BRAF: variants seen among roughly 807,000 people sequenced by gnomAD.
BRAF encodes the protein B-Raf proto-oncogene, serine/threonine kinase, also known as serine/threonine-protein kinase B-raf.
Under a neutral mutation model 104.6 loss-of-function variants are expected in BRAF, and 16 were observed. That is an observed-to-expected ratio of 0.15 (90% CI 0.10 to 0.23). The LOEUF (loss-of-function observed/expected upper bound fraction) is 0.23. BRAF is among the 10% of genes least tolerant of loss of function. The pLI, the probability that BRAF is intolerant of heterozygous loss-of-function variation, is 1.00. For synonymous variants in BRAF, 310 were observed against 341.6 expected (o/e 0.91, Z 1.02); for missense variants, 541 against 937.3 (o/e 0.58, Z 5.52).
At chr7:140,873,670 C>T (rs1035696962) in intron 1 of BRAF, among the ~76,000 whole-genome samples, 4 of 152,098 alleles carry the variant, frequency 2.6e-5, no homozygotes, top group Non-Finnish European at 5.9e-5. Flanking sequence ...ACTAGTTGAA[C>T]GGACACTGCA....
In BRAF at chr7:140,739,805, T is replaced by C. The variant is rs371857758; in HGVS notation, c.2247+7A>G. 7.4e-6 allele frequency: 12 copies of C among 1,611,928 alleles called. No individual in the cohort carries two copies. The highest frequency in any genetic ancestry group is 2.2e-4 in the Middle Eastern group (1 of 4,540). Reference sequence around the variant, plus strand: ...GTTCTTTTGGATAGCATGAAGCTTTTACTTACTTGGGGAAAGAGTGGTCTC... The same window carrying C: ...GTTCTTTTGGATAGCATGAAGCTTTCACTTACTTGGGGAAAGAGTGGTCTC... On this transcript the variant is annotated splice_region_variant and intron_variant, in intron 18 of 19. Coordinates refer to ENST00000644969, the MANE Select transcript of BRAF (RefSeq NM_001374258.1).
chr7:140,865,299 TGA>T (rs747677210), intron 1 of BRAF, among the ~76,000 whole-genome samples: 1 of 152,046 alleles, frequency 6.6e-6, no homozygotes, highest in Non-Finnish European at 1.5e-5. Context: ...AGCCTGGTCT[TGA>T]ACTCCTGGCC....
chr7:140,909,527 C>G (rs1198676715), intron 1 of BRAF, among the ~76,000 whole-genome samples: 1 of 152,094 alleles, frequency 6.6e-6, no homozygotes, highest in Non-Finnish European at 1.5e-5. Flanking sequence ...GTACTTTGTA[C>G]ATATATACAA....
rs188605240 is a variant in BRAF at position 140,871,147 on chromosome 7, C to T, written c.139-20935G>A. 2.8e-3 allele frequency among the ~76,000 whole-genome samples: 393 copies of T among 139,656 alleles called. 5 individuals carry two copies. The highest frequency in any genetic ancestry group is 0.023 in the Admixed American group (298 of 13,184). The allele number at this position is 139,656 out of a possible 152,430, so 91.6% of individuals were successfully genotyped here. A position where few individuals can be genotyped will look rare whatever the true frequency, so the allele number is the denominator to read the frequency against. On this transcript the variant is annotated intron_variant, in intron 1 of 19. Transcript: ENST00000644969. The stretch of plus-strand genomic sequence containing the variant: ...GTACCAGGTACTCGGGAGGGTGACG[C>T]GGGAGAATGGCGTGAATCCGGGAGG...
chr7:140,717,136 T>A (rs553962085), downstream of BRAF, among the ~76,000 whole-genome samples: 2 of 152,366 alleles, frequency 1.3e-5, no homozygotes, highest in South Asian at 4.1e-4. Context: ...CAAATCTCGT[T>A]ACAGCCATCG....
chr7:140,839,006 T>C (rs947029217), intron 2 of BRAF, among the ~76,000 whole-genome samples: 1 of 152,118 alleles, frequency 6.6e-6, no homozygotes, highest in African/African-American at 2.4e-5. Context: ...TATTTCTCAA[T>C]AGAACAAGAA....
intron 1 of BRAF, among the ~76,000 whole-genome samples, chr7:140,892,990 C>A (rs997675546): frequency 6.6e-6 from 1 of 152,132 alleles, no homozygotes. Flanking sequence ...AAAATCAAAT[C>A]ATCGAACAGG....
chr7:140,913,554 C>T (rs1817253405), intron 1 of BRAF, among the ~76,000 whole-genome samples: 1 of 120,898 alleles, frequency 8.3e-6, no homozygotes, highest in Non-Finnish European at 1.6e-5. Context: ...GCGATCTTGG[C>T]TCACTGCAAC....
chr7:140,770,810 G>A (rs1799769222), intron 14 of BRAF, among the ~76,000 whole-genome samples: 1 of 151,780 alleles, frequency 6.6e-6, no homozygotes, highest in African/African-American at 2.4e-5. Context: ...GTGGGTGCCT[G>A]TAATCCCAGT....
chr7:140,722,733 T>C lies in BRAF; in HGVS notation c.*3761A>G. On this transcript the variant is annotated 3_prime_UTR_variant, in exon 20 of 20. Coordinates refer to ENST00000644969, the MANE Select transcript of BRAF (RefSeq NM_001374258.1). Reference sequence around the variant, plus strand: ...TGTGACAAAGCTGCAGCAAACTCATTATGAGGATGTACTGTCATGCCAAGC... The same window carrying C: ...TGTGACAAAGCTGCAGCAAACTCATCATGAGGATGTACTGTCATGCCAAGC... The C allele has an allele frequency of 9.5e-7, 1 of 1,050,340 alleles. No individual in the cohort carries two copies. Among genetic ancestry groups the C allele is most frequent in the Non-Finnish European group, 1.1e-6 (1 of 869,970 alleles). 65.1% of individuals were successfully genotyped at this position (1,050,340 alleles called of 1,614,324 possible).
At chr7:140,741,595 C>G (rs1457164639) in intron 17 of BRAF, 1 of 152,106 alleles carries the variant, frequency 6.6e-6, no homozygotes, top group African/African-American at 2.4e-5. Flanking sequence ...TGTATCTTAT[C>G]TAAGTTCTCC....
In BRAF at chr7:140,783,084, C is replaced by G; in HGVS notation, c.1371G>C (p.Gln457His). 1 of 1,614,030 alleles carries G rather than the reference C, an allele frequency of 6.2e-7. No individual in the cohort carries two copies. Reference protein sequence around the residue: ...PGSLTNVKALQKSPGPQRERK... With the variant: ...PGSLTNVKALHKSPGPQRERK... Reference sequence around the variant, plus strand: ...TTTCTCGCTGAGGTCCTGGAGATTTCTGTAAGGCTTTCACGTTAGTTAGTG... The same window carrying G: ...TTTCTCGCTGAGGTCCTGGAGATTTGTGTAAGGCTTTCACGTTAGTTAGTG... The change falls in exon 11 of 20, where the codon CAG becomes CAC. Residue 457 changes from glutamine to histidine, a missense_variant. Gln to His is a conservative substitution (Grantham distance 24, BLOSUM62 0). Transcript: ENST00000644969.
At position 140,924,822 on chromosome 7, in the gene BRAF, C is replaced by A; in HGVS notation, c.-119G>T. The A allele has an allele frequency of 2.7e-6, 1 of 367,760 alleles. No individual in the cohort carries two copies. The highest frequency in any genetic ancestry group is 7.4e-5 in the South Asian group (1 of 13,454). 22.8% of individuals were successfully genotyped at this position (367,760 alleles called of 1,614,324 possible). A position where few individuals can be genotyped will look rare whatever the true frequency, so the allele number is the denominator to read the frequency against. ...GCGGAGGAGCGGGGGGCGCGGGGGG[C>A]GCGGGGAGGAGCGGCCCGGGCGGCG... On this transcript the variant is annotated 5_prime_UTR_variant, in exon 1 of 20. Transcript: ENST00000644969. This position sits in a 1 kb window ranked among gnomAD's most constrained non-coding sequence, Gnocchi z 4.2.
chr7:140,734,547 A>T (rs2130866682), intron 19 of BRAF: 1 of 1,613,226 alleles, frequency 6.2e-7, no homozygotes, highest in Admixed American at 1.7e-5. Context: ...ACATATGTTC[A>T]TTTATTTTCC....
chr7:140,828,200 G>T (rs919476046), intron 3 of BRAF, among the ~76,000 whole-genome samples: 1 of 152,046 alleles, frequency 6.6e-6, no homozygotes, highest in Non-Finnish European at 1.5e-5. Context: ...GCCAAAATTT[G>T]TATTTCGTGT....
At position 140,721,387 on chromosome 7, in the gene BRAF, G is replaced by A; in HGVS notation, c.*5107C>T. 8.1e-7 allele frequency: 1 copy of A among 1,242,062 alleles called. No individual in the cohort carries two copies. Among genetic ancestry groups the A allele is most frequent in the Non-Finnish European group, 1.0e-6 (1 of 993,692 alleles). The allele number at this position is 1,242,062 out of a possible 1,614,324, so 76.9% of individuals were successfully genotyped here. On this transcript the variant is annotated 3_prime_UTR_variant, in exon 20 of 20. Transcript: ENST00000644969. The stretch of plus-strand genomic sequence containing the variant: ...ACATTAAAAATACCTGATAGGAACT[G>A]TTAATTACCCTTTCCACAATTAACA...
chr7:140,903,760 G>C (rs1044917060), intron 1 of BRAF, among the ~76,000 whole-genome samples: 3 of 152,190 alleles, frequency 2.0e-5, no homozygotes, highest in Admixed American at 2.0e-4. Context: ...GGTAAAACTG[G>C]CAACATTAAC....
intron 1 of BRAF, among the ~76,000 whole-genome samples, chr7:140,859,180 A>T (rs1362097976): frequency 6.6e-6 from 1 of 152,222 alleles, no homozygotes; most frequent in Non-Finnish European, 1.5e-5. Context: ...GGCTACTAAG[A>T]AGAGAGACAG....
intron 12 of BRAF, chr7:140,780,499 C>T (rs1562956414): frequency 6.6e-6 from 1 of 152,110 alleles, no homozygotes; most frequent in Non-Finnish European, 1.5e-5. Context: ...GCCTCGGCCT[C>T]CCAAAGTGCT....
Sources: allele counts gnomAD v4.1 joint callset (sites outside exome capture counted in the v4.1 genomes callset), GRCh38; gene constraint gnomAD v4.1.1; non-coding constraint Gnocchi (gnomAD v3.1); transcripts MANE v1.5; gene names NCBI Gene and HGNC (gene_info 2026-07-23, HGNC 2026-07-21).